DPP10: variants seen among roughly 807,000 people sequenced by gnomAD.
DPP10 encodes dipeptidyl peptidase like 10.
A neutral mutation model predicts 120.9 loss-of-function variants in DPP10; 33 were observed. The ratio of observed to expected loss-of-function variants is 0.27; its 90% CI spans 0.21 to 0.37. DPP10 has a LOEUF of 0.37. Among genes scored for constraint, DPP10 ranks in the 10% least tolerant of loss-of-function variants. The pLI, the probability that DPP10 is intolerant of heterozygous loss-of-function variation, is 1.00. For synonymous variants in DPP10, 337 were observed against 326.1 expected (o/e 1.03, Z -0.36); for missense variants, 816 against 942.8 (o/e 0.87, Z 1.76).
At chr2:115,177,412 G>A (rs980467598) in intron 1 of DPP10, among the ~76,000 whole-genome samples, 41 of 151,996 alleles carry the variant, frequency 2.7e-4, no homozygotes, top group Admixed American at 2.6e-3. Flanking sequence ...TGTTTAGTTC[G>A]GCAGTCGGTG....
chr2:115,540,039 G>T (rs2079087302), intron 5 of DPP10, among the ~76,000 whole-genome samples: 2 of 151,756 alleles, frequency 1.3e-5, no homozygotes, highest in South Asian at 2.1e-4. Flanking sequence ...ATAGTGTGGG[G>T]GTCTCTAAAT....
chr2:115,549,031 A>G (rs1024677535), intron 5 of DPP10, among the ~76,000 whole-genome samples: 23 of 152,152 alleles, frequency 1.5e-4, no homozygotes, highest in Non-Finnish European at 1.9e-4. Flanking sequence ...CAAGGAACCC[A>G]GCTAATGGTT....
At chr2:115,766,328 ATATATATATG>A (rs1559128403) in intron 12 of DPP10, among the ~76,000 whole-genome samples, 40 of 82,704 alleles carry the variant, frequency 4.8e-4, no homozygotes, top group East Asian at 9.2e-4. Flanking sequence ...ATATATATGT[ATATATATATG>A]TATATATATA....
At chr2:115,201,507 T>G (rs1408378773) in intron 1 of DPP10, among the ~76,000 whole-genome samples, 1 of 152,058 alleles carries the variant, frequency 6.6e-6, no homozygotes, top group Non-Finnish European at 1.5e-5. Flanking sequence ...AACCATTTGG[T>G]GATTCCTTTA....
chr2:114,951,127 G>A (rs375789614), intron 1 of DPP10, among the ~76,000 whole-genome samples: 30 of 152,258 alleles, frequency 2.0e-4, no homozygotes, highest in African/African-American at 5.8e-4. Flanking sequence ...ATCTGTGACC[G>A]AGAGTATGTA....
chr2:115,741,743 A>AT (rs199842857), intron 9 of DPP10, among the ~76,000 whole-genome samples: 90 of 151,752 alleles, frequency 5.9e-4, no homozygotes, highest in Middle Eastern at 3.4e-3. Context: ...AAGAAATGGG[A>AT]TTTTTTTTTA....
chr2:115,213,332 G>A (rs1458829364), intron 1 of DPP10, among the ~76,000 whole-genome samples: 1 of 152,118 alleles, frequency 6.6e-6, no homozygotes, highest in Non-Finnish European at 1.5e-5. Context: ...AAATGTATTA[G>A]AGAACCATTT....
chr2:115,389,291 A>ACACG (rs1268199605), intron 3 of DPP10, among the ~76,000 whole-genome samples: 1 of 151,564 alleles, frequency 6.6e-6, no homozygotes, highest in Non-Finnish European at 1.5e-5. Flanking sequence ...ACACACACAC[A>ACACG]CACACACACT....
At chr2:114,871,832 C>T (rs1429342414) in intron 1 of DPP10, among the ~76,000 whole-genome samples, 1 of 152,128 alleles carries the variant, frequency 6.6e-6, no homozygotes, top group Non-Finnish European at 1.5e-5. Flanking sequence ...TATTTATAGC[C>T]ACTCCCCATC....
chr2:115,723,800 G>C (rs1006129274), intron 7 of DPP10, among the ~76,000 whole-genome samples: 12 of 151,888 alleles, frequency 7.9e-5, no homozygotes, highest in Non-Finnish European at 1.8e-4. Context: ...GCATTATCTG[G>C]GATACTTTCT....
Position 115,748,837 on chromosome 2 carries a change from C to T in DPP10, c.950+2654C>T, listed in dbSNP as rs549023842. Among the ~76,000 whole-genome samples, 10 of 152,124 alleles carry T rather than the reference C, an allele frequency of 6.6e-5. No homozygotes were observed. In the East Asian group the frequency reaches 1.9e-3, roughly 29 times the overall value. ...AATCTACAGAAAGACATAATTTCTT[C>T]TCCTAATTCTTACCCTCATAGTCTC... On this transcript the variant is annotated intron_variant, in intron 10 of 25. Transcript: ENST00000410059.
At chr2:114,551,374 C>T (rs1242187524) in intron 1 of DPP10, among the ~76,000 whole-genome samples, 1 of 152,182 alleles carries the variant, frequency 6.6e-6, no homozygotes, top group Non-Finnish European at 1.5e-5. Context: ...TGTATCCTCT[C>T]AAGTGATCAA....
At chr2:114,741,160 T>C (rs1284918686) in intron 1 of DPP10, among the ~76,000 whole-genome samples, 1 of 152,238 alleles carries the variant, frequency 6.6e-6, no homozygotes, top group Non-Finnish European at 1.5e-5. Flanking sequence ...GGAACCCAGC[T>C]GTCCTTTGTT....
chr2:114,753,805 A>C (rs1679460219), intron 1 of DPP10, among the ~76,000 whole-genome samples: 1 of 145,634 alleles, frequency 6.9e-6, no homozygotes. Flanking sequence ...GCTGCTTCAG[A>C]GGCTGAGGCA....
intron 1 of DPP10, among the ~76,000 whole-genome samples, chr2:114,520,097 C>G (rs1421403869): frequency 6.6e-6 from 1 of 152,144 alleles, no homozygotes; most frequent in Non-Finnish European, 1.5e-5. Context: ...ATTCAATTTC[C>G]CTGGTCAGGA....
At position 115,287,854 on chromosome 2, in the gene DPP10, T is replaced by C. The variant is rs933551001; in HGVS notation, c.61-21385T>C. Among the ~76,000 whole-genome samples, 5 of 152,274 alleles carry C rather than the reference T, an allele frequency of 3.3e-5. No individual in the cohort carries two copies. In the East Asian group the frequency reaches 9.7e-4, roughly 29 times the overall value. ...TACAAAACACTGATGAAAGAAATCA[T>C]AGACTATTCCTTTCCATGGAATGAT... On this transcript the variant is annotated intron_variant, in intron 1 of 25. Coordinates refer to ENST00000410059, the MANE Select transcript of DPP10 (RefSeq NM_020868.6).
At chr2:115,320,704 C>A (rs1199970706) in intron 2 of DPP10, among the ~76,000 whole-genome samples, 1 of 151,810 alleles carries the variant, frequency 6.6e-6, no homozygotes, top group Non-Finnish European at 1.5e-5. Context: ...ATACATTTTT[C>A]TTTTAAATCA....
intron 1 of DPP10, among the ~76,000 whole-genome samples, chr2:114,962,174 T>C (rs578028908): frequency 3.0e-4 from 45 of 152,260 alleles, no homozygotes; most frequent in African/African-American, 1.1e-3. Flanking sequence ...GCTTTATCAC[T>C]GAAAAAAATA....
intron 1 of DPP10, among the ~76,000 whole-genome samples, chr2:114,797,200 T>G (rs533001260): frequency 2.6e-4 from 40 of 152,318 alleles, no homozygotes; most frequent in Admixed American, 8.5e-4. Context: ...CCATCCTATG[T>G]CCAGAGGAAC....
Sources: gnomAD v4.1 joint callset for allele counts (sites outside exome capture counted in the v4.1 genomes callset) on GRCh38, gnomAD v4.1.1 for gene constraint, MANE v1.5 for transcripts, NCBI Gene and HGNC (gene_info 2026-07-23, HGNC 2026-07-21) for gene names.